Variants in LOXL2 observed in about 807,000 individuals in gnomAD.
LOXL2 encodes the protein lysyl oxidase like 2.
A neutral mutation model predicts 93.0 loss-of-function variants in LOXL2; 70 were observed. The observed-to-expected ratio is 0.75, with a 90% CI of 0.62 to 0.92. LOXL2 has a LOEUF of 0.92. Ranked by LOEUF, LOXL2 falls within the 40% of genes least tolerant of loss-of-function variation. The pLI, the probability that LOXL2 is intolerant of heterozygous loss-of-function variation, is 0.00. For missense variants in LOXL2, 973 were observed against 1,054.9 expected (o/e 0.92, Z 1.08); for synonymous variants, 438 against 413.2 (o/e 1.06, Z -0.73).
rs143674437 is a variant in LOXL2 at position 23,341,149 on chromosome 8, G to T, written c.586C>A (p.Arg196Ser). 1 of 1,613,840 alleles carries T rather than the reference G, an allele frequency of 6.2e-7. No homozygotes were observed. Among genetic ancestry groups the T allele is most frequent in the East Asian group, 2.2e-5 (1 of 44,876 alleles). Reference protein sequence around the residue: ...IRIRAILSTYRKRTPVMEGYV... With the variant: ...IRIRAILSTYSKRTPVMEGYV... ...CCCTCCATCACTGGGGTGCGCTTGC[G>T]GTAGGTTGAGAGGATGGCTCGAATC... The change falls in exon 4 of 14, where the codon CGC becomes AGC. Residue 196 changes from arginine to serine, a missense_variant. By Grantham distance (110) the Arg-to-Ser change is moderately radical. Transcript: ENST00000389131.
chr8:23,346,578 T>C (rs1277940924), intron 3 of LOXL2, among the ~76,000 whole-genome samples: 3 of 152,252 alleles, frequency 2.0e-5, no homozygotes, highest in Non-Finnish European at 4.4e-5. Flanking sequence ...GTCCATGACT[T>C]GCAAATTCCA....
intron 12 of LOXL2, among the ~76,000 whole-genome samples, chr8:23,301,310 T>TC (rs1422746103): frequency 5.3e-5 from 8 of 152,154 alleles, no homozygotes; most frequent in African/African-American, 1.9e-4. Flanking sequence ...GCCCCTTTTC[T>TC]CCCCCAGTTA....
chr8:23,333,513 G>A lies in LOXL2; in HGVS notation c.854C>T (p.Pro285Leu). 1 of 1,614,012 alleles carries A rather than the reference G, an allele frequency of 6.2e-7. No individual in the cohort carries two copies. The highest frequency in any genetic ancestry group is 8.5e-7 in the Non-Finnish European group (1 of 1,180,044). ...ATTCTCGCAGGTGACATTCTTCATGGGGTCCAGTGACACCTGGGGGCCCAG... is the reference window on the plus strand; with the variant it reads ...ATTCTCGCAGGTGACATTCTTCATGAGGTCCAGTGACACCTGGGGGCCCAG... ...CKLGPQVSLD[P>L]MKNVTCENGL... The change falls in exon 5 of 14, where the codon CCC (proline) becomes CTC (leucine). Residue 285 changes from proline to leucine, a missense_variant. Transcript: ENST00000389131.
At chr8:23,370,489 T>C (rs2117215916) in intron 1 of LOXL2, among the ~76,000 whole-genome samples, 1 of 152,252 alleles carries the variant, frequency 6.6e-6, no homozygotes, top group Non-Finnish European at 1.5e-5. Context: ...CAGGCTACCT[T>C]GCAGTAGATA....
chr8:23,345,533 C>T (rs1164181202), intron 3 of LOXL2, among the ~76,000 whole-genome samples: 3 of 152,194 alleles, frequency 2.0e-5, no homozygotes, highest in Non-Finnish European at 2.9e-5. Context: ...GGCACACATT[C>T]GGTGCTCACA....
chr8:23,395,818 C>T (rs573022659), intron 1 of LOXL2, among the ~76,000 whole-genome samples: 1 of 152,118 alleles, frequency 6.6e-6, no homozygotes, highest in Non-Finnish European at 1.5e-5. Context: ...GGATTACAGG[C>T]GTGCACCACC....
intron 3 of LOXL2, among the ~76,000 whole-genome samples, chr8:23,341,746 T>C (rs1484348443): frequency 6.6e-6 from 1 of 151,940 alleles, no homozygotes; most frequent in African/African-American, 2.4e-5. Context: ...ACCCCAGGGG[T>C]GGGCATTCCT....
At chr8:23,318,993 A>T (rs1803450892) in intron 8 of LOXL2, among the ~76,000 whole-genome samples, 1 of 152,140 alleles carries the variant, frequency 6.6e-6, no homozygotes, top group Non-Finnish European at 1.5e-5. Context: ...TCTCTCCCTA[A>T]ACCCCTTTCT....
intron 1 of LOXL2, among the ~76,000 whole-genome samples, chr8:23,380,087 C>T (rs908872336): frequency 1.9e-4 from 29 of 152,176 alleles, no homozygotes; most frequent in African/African-American, 6.3e-4. Context: ...GAATTGCCCC[C>T]TCGCAACGTT....
intron 1 of LOXL2, among the ~76,000 whole-genome samples, chr8:23,384,513 G>A (rs7017737): frequency 0.61 from 92,453 of 152,022 alleles, 28,538 homozygotes; most frequent in African/African-American, 0.72. Context: ...ACTTCCAACA[G>A]TACCTGCAGC....
chr8:23,336,683 T>C (rs1803798001), intron 4 of LOXL2: 1 of 152,208 alleles, frequency 6.6e-6, no homozygotes. Context: ...TCCATGATGC[T>C]TTCCGGAAGT....
intron 3 of LOXL2, chr8:23,341,616 T>A (rs1803884229): frequency 3.5e-6 from 1 of 283,092 alleles, no homozygotes; most frequent in South Asian, 3.9e-5. Context: ...TATGTGTGTA[T>A]GTGCCTGTGA....
At position 23,368,138 on chromosome 8, in the gene LOXL2, C is replaced by G. The variant is rs551308559; in HGVS notation, c.214G>C (p.Val72Leu). 2.5e-6 allele frequency: 4 copies of G among 1,614,122 alleles called. No individual in the cohort carries two copies. Among genetic ancestry groups the G allele is most frequent in the African/African-American group, 1.3e-5 (1 of 75,078 alleles). ...CACTGGCCATCATAGTACACCTCCACCCGGCCCTCGCTGTGCTTCCTCTTC... is the reference window on the plus strand; with the variant it reads ...CACTGGCCATCATAGTACACCTCCAGCCGGCCCTCGCTGTGCTTCCTCTTC... ...GQKRKHSEGR[V>L]EVYYDGQWGT... Residue 72 changes from valine (V) to leucine (L), a missense_variant, in exon 2 of 14, where the codon GTG becomes CTG. By Grantham distance (32) the Val-to-Leu change is conservative. Coordinates refer to ENST00000389131, the MANE Select transcript of LOXL2 (RefSeq NM_002318.3).
intron 4 of LOXL2, among the ~76,000 whole-genome samples, chr8:23,338,417 GGGTGGGGGGGCCCAA>G (rs1254065740): frequency 6.6e-6 from 1 of 152,124 alleles, no homozygotes; most frequent in East Asian, 1.9e-4. Context: ...GGCAGCAGCG[GGGTGGGGGGGCCCAA>G]GGTGGGGGGC....
At chr8:23,317,971 C>A (rs949024690) in intron 8 of LOXL2, among the ~76,000 whole-genome samples, 2 of 151,608 alleles carry the variant, frequency 1.3e-5, no homozygotes. Context: ...AGTATCTCAT[C>A]TAAACTCTCC....
At chr8:23,346,770 T>C (rs543233305) in intron 3 of LOXL2, among the ~76,000 whole-genome samples, 3 of 152,316 alleles carry the variant, frequency 2.0e-5, no homozygotes, top group South Asian at 4.1e-4. Flanking sequence ...TCAGTGGTTG[T>C]TCTCCTTCCC....
chr8:23,377,119 C>T (rs2117222149), intron 1 of LOXL2, among the ~76,000 whole-genome samples: 1 of 152,218 alleles, frequency 6.6e-6, no homozygotes, highest in South Asian at 2.1e-4. Context: ...AAATGTGTAC[C>T]AGAGATTCTG....
chr8:23,350,324 A>T (rs1015054678), intron 3 of LOXL2, among the ~76,000 whole-genome samples: 2 of 152,154 alleles, frequency 1.3e-5, no homozygotes, highest in Non-Finnish European at 1.5e-5. Context: ...CGCACCTGTA[A>T]TCTCAACACT....
chr8:23,315,424 C>T lies in LOXL2; in HGVS notation c.1636+1525G>A, dbSNP rs146488998. Among the ~76,000 whole-genome samples the T allele has an allele frequency of 1.7e-3, 261 of 152,270 alleles. 1 individual carries two copies. Among genetic ancestry groups the T allele is most frequent in the African/African-American group, 5.4e-3 (224 of 41,552 alleles). ...TTCCTGGCCCCAAAGCCTACTGCCC[C>T]GCTGCAGACACACTCCCAGTGATGC... On this transcript the variant is annotated intron_variant, in intron 9 of 13. Transcript: ENST00000389131.
Sources: gnomAD v4.1 joint callset for allele counts (sites outside exome capture counted in the v4.1 genomes callset) on GRCh38, gnomAD v4.1.1 for gene constraint, MANE v1.5 for transcripts, NCBI Gene and HGNC (gene_info 2026-07-23, HGNC 2026-07-21) for gene names.